Variants in EHMT1 observed in about 807,000 individuals in gnomAD.
The protein encoded by EHMT1 is euchromatic histone lysine methyltransferase 1, also known as histone-lysine N-methyltransferase EHMT1.
A neutral mutation model predicts 147.2 loss-of-function variants in EHMT1; 15 were observed. The observed-to-expected ratio is 0.10, with a 90% confidence interval of 0.07 to 0.16. EHMT1 has a LOEUF of 0.16. Among genes scored for constraint, EHMT1 ranks in the 10% least tolerant of loss-of-function variants. The probability of loss-of-function intolerance (pLI) is 1.00; values close to 1 mark genes in which losing one functional copy is unlikely to be tolerated. For missense variants in EHMT1, 1,587 were observed against 1,772.4 expected (o/e 0.90, Z 1.88); for synonymous variants, 795 against 709.6 (o/e 1.12, Z -1.91).
intron 3 of EHMT1, among the ~76,000 whole-genome samples, chr9:137,726,439 C>T (rs572923402): frequency 5.3e-5 from 8 of 152,336 alleles, no homozygotes; most frequent in South Asian, 4.1e-4. Flanking sequence ...CGCTGCAGCG[C>T]GGGCCCCAGC....
intron 1 of EHMT1, among the ~76,000 whole-genome samples, chr9:137,706,834 T>TA (rs1944309276): frequency 6.6e-6 from 1 of 151,700 alleles, no homozygotes; most frequent in South Asian, 2.1e-4. Flanking sequence ...TATATATATA[T>TA]TTTTTGAGAT....
At chr9:137,694,963 G>C (rs1943277679) in intron 1 of EHMT1, among the ~76,000 whole-genome samples, 1 of 152,206 alleles carries the variant, frequency 6.6e-6, no homozygotes, top group Admixed American at 6.5e-5. Flanking sequence ...CAGCTTGACT[G>C]CCCTTAGAGC....
chr9:137,722,175 T>A (rs1470677553), intron 3 of EHMT1, among the ~76,000 whole-genome samples: 1 of 152,234 alleles, frequency 6.6e-6, no homozygotes, highest in African/African-American at 2.4e-5. Flanking sequence ...ATTACAGTCC[T>A]ACTTCCAGGA....
At chr9:137,728,672 C>T (rs745994986) in intron 4 of EHMT1, 143 bp downstream of exon 4, 3 of 1,086,772 alleles carry the variant, frequency 2.8e-6, no homozygotes, top group Non-Finnish European at 4.1e-6. Flanking sequence ...CTCCTGTGCT[C>T]GCCTGTATGC....
intron 22 of EHMT1, chr9:137,815,706 G>A: frequency 1.9e-6 from 1 of 535,176 alleles, no homozygotes; most frequent in Non-Finnish European, 3.4e-6. Flanking sequence ...GCTGGCCCCA[G>A]GCTGGGCCTA....
intron 1 of EHMT1, among the ~76,000 whole-genome samples, chr9:137,619,280 C>T (rs2133379052): frequency 7.0e-6 from 1 of 142,456 alleles, no homozygotes; most frequent in Non-Finnish European, 1.5e-5. Flanking sequence ...CGGCGCGGGC[C>T]GGGCGGCGGC....
rs10627906 is a variant in EHMT1 at position 137,775,882 on chromosome 9, G to GGTGTGT, written c.1791+643_1791+648dup. On this transcript the variant is annotated intron_variant, in intron 11 of 26. Coordinates refer to ENST00000460843, the MANE Select transcript of EHMT1 (RefSeq NM_024757.5). This position sits in a 1 kb window ranked among gnomAD's most constrained non-coding sequence, Gnocchi z 6.1. The stretch of plus-strand genomic sequence containing the variant: ...TGTGTGGGCATCCTCGTGCATGTAG[G>GGTGTGT]GTGTGTGTGTGTGTGTGTCTGTGCG... 6.7e-6 allele frequency among the ~76,000 whole-genome samples: 1 copy of GGTGTGT among 150,110 alleles called. No individual in the cohort carries two copies. The highest frequency in any genetic ancestry group is 2.1e-4 in the South Asian group (1 of 4,728).
chr9:137,686,259 G>GTGA (rs1277091071), intron 1 of EHMT1, among the ~76,000 whole-genome samples: 1 of 152,148 alleles, frequency 6.6e-6, no homozygotes, highest in Non-Finnish European at 1.5e-5. Flanking sequence ...TGCTTTTGGT[G>GTGA]TGATAATTTA....
intron 15 of EHMT1, chr9:137,788,744 T>C (rs1952227229): frequency 6.6e-6 from 1 of 152,110 alleles, no homozygotes; most frequent in Non-Finnish European, 1.5e-5. Context: ...CTCGCGAGCC[T>C]GGGAAGGGCG....
In EHMT1 at chr9:137,786,694, G is replaced by A. The variant is rs1952000818; in HGVS notation, c.2383-4154G>A. 1 of 155,300 alleles carries A rather than the reference G, an allele frequency of 6.4e-6. No homozygotes were observed. The highest frequency in any genetic ancestry group is 2.4e-5 in the African/African-American group (1 of 41,472). 9.6% of individuals were successfully genotyped at this position (155,300 alleles called of 1,614,324 possible). A position where few individuals can be genotyped will look rare whatever the true frequency, so the allele number is the denominator to read the frequency against. ...CCTCCGGCTCCGGTCTTGGTCTCATGTGGTGTCATCTCCCCTGGGCTCCCA... is the reference window on the plus strand; with the variant it reads ...CCTCCGGCTCCGGTCTTGGTCTCATATGGTGTCATCTCCCCTGGGCTCCCA... On this transcript the variant is annotated intron_variant, in intron 15 of 26. Coordinates refer to ENST00000460843, the MANE Select transcript of EHMT1 (RefSeq NM_024757.5). This position sits in a 1 kb window ranked among gnomAD's most constrained non-coding sequence, Gnocchi z 4.3.
chr9:137,834,355 G>A lies in EHMT1; in HGVS notation c.3547G>A (p.Glu1183Lys). The part of the protein sequence containing the change: ...YLFDLDNKDG[E>K]VYCIDARFYG... ...CCGGCTTCTCGCCCTGCAGGACGGG[G>A]AGGTTTACTGCATCGACGCGCGGTT... Residue 1183 changes from glutamate (E) to lysine (K), a missense_variant, in exon 26 of 27, where the codon GAG becomes AAG. Physicochemically the swap from Glu to Lys is moderately conservative, Grantham distance 56 (BLOSUM62 1). This residue lies in a region of EHMT1 where 156 missense variants were observed against 252.5 expected (regional missense o/e 0.62). Coordinates refer to ENST00000460843, the MANE Select transcript of EHMT1 (RefSeq NM_024757.5). 3.1e-6 allele frequency: 5 copies of A among 1,613,066 alleles called. No individual in the cohort carries two copies. Among genetic ancestry groups the A allele is most frequent in the Non-Finnish European group, 8.5e-7 (1 of 1,179,766 alleles).
rs535286839 is a variant in EHMT1 at position 137,655,155 on chromosome 9, C to T, written c.21+36106C>T. Among the ~76,000 whole-genome samples the T allele has an allele frequency of 7.6e-4, 116 of 152,152 alleles. 1 individual carries two copies. The highest frequency in any genetic ancestry group is 2.5e-3 in the African/African-American group (104 of 41,516). On this transcript the variant is annotated intron_variant, in intron 1 of 26. Coordinates refer to ENST00000460843, the MANE Select transcript of EHMT1 (RefSeq NM_024757.5). ...CTGGGACTACAGGTATACGCCACTA[C>T]GCTTGGCTAATTTTTGTATTTTTGT... is the stretch of plus-strand genomic sequence containing the variant.
chr9:137,627,230 T>C (rs964063245), intron 1 of EHMT1, among the ~76,000 whole-genome samples: 4 of 151,350 alleles, frequency 2.6e-5, no homozygotes, highest in African/African-American at 7.3e-5. Context: ...AGTGCTAGGA[T>C]TGTAGGCATG....
Position 137,814,417 on chromosome 9 carries a change from G to A in EHMT1, c.3181-14G>A, listed in dbSNP as rs543717147. The A allele has an allele frequency of 1.2e-5, 20 of 1,611,690 alleles. No homozygotes were observed. The African/African-American group carries it at 2.4e-4, about 19-fold the overall frequency. On this transcript the variant is annotated splice_polypyrimidine_tract_variant and intron_variant, in intron 21 of 26. Transcript: ENST00000460843. ...GTGCCTGCACGTCTGACCCCCCGGC[G>A]CCTCTCTTCTCAGTACTGCGTGTGC...
intron 18 of EHMT1, chr9:137,803,104 GC>G (rs1354345497): frequency 8.1e-7 from 1 of 1,229,470 alleles, no homozygotes; most frequent in South Asian, 4.3e-5. Flanking sequence ...GCAGTTTGCA[GC>G]CTGTCCAGGT....
intron 3 of EHMT1, among the ~76,000 whole-genome samples, chr9:137,725,771 G>A (rs1167925321): frequency 6.6e-6 from 1 of 152,132 alleles, no homozygotes; most frequent in African/African-American, 2.4e-5. Flanking sequence ...GACAGAGAGA[G>A]GTGGAGACCG....
At chr9:137,780,816 T>C (rs1247444452) in intron 14 of EHMT1, among the ~76,000 whole-genome samples, 57 of 71,292 alleles carry the variant, frequency 8.0e-4, no homozygotes, top group Admixed American at 1.1e-3. Flanking sequence ...CTCACTGAGA[T>C]GTGTGGTGAT....
intron 10 of EHMT1, among the ~76,000 whole-genome samples, chr9:137,768,636 G>A (rs1337488284): frequency 8.1e-6 from 1 of 123,302 alleles, no homozygotes; most frequent in African/African-American, 3.0e-5. Flanking sequence ...TGCAAGCTCC[G>A]CCTCCCGGGT....
In EHMT1 at chr9:137,835,103, C is replaced by G; in HGVS notation, c.*150C>G. The G allele has an allele frequency of 1.0e-6, 1 of 976,360 alleles. No homozygotes were observed. Among genetic ancestry groups the G allele is most frequent in the Non-Finnish European group, 1.4e-6 (1 of 731,180 alleles). 60.5% of individuals were successfully genotyped at this position (976,360 alleles called of 1,614,324 possible). ...AGGGGTCGGAGGTGAGGCTGCAGCC[C>G]CTGCGGGCGGGTGTGGATGCCTCCC... On this transcript the variant is annotated 3_prime_UTR_variant, in exon 27 of 27. Coordinates refer to ENST00000460843, the MANE Select transcript of EHMT1 (RefSeq NM_024757.5).
Sources: gnomAD v4.1 joint callset for allele counts (sites outside exome capture counted in the v4.1 genomes callset) on GRCh38, gnomAD v4.1.1 for gene constraint, gnomAD v4.1.1 regional missense constraint, Gnocchi (gnomAD v3.1) non-coding constraint, MANE v1.5 for transcripts, NCBI Gene and HGNC (gene_info 2026-07-23, HGNC 2026-07-21) for gene names.